The following MGME1 variants were observed in gnomAD, a reference collection of about 807,000 sequenced individuals.
MGME1 encodes the protein chromosome 20 open reading frame 72.
MGME1 carries 22 observed loss-of-function variants against 33.0 expected under a neutral mutation model. The ratio of observed to expected loss-of-function variants is 0.67; its 90% CI spans 0.48 to 0.95. MGME1 has a LOEUF of 0.95. MGME1 is among the 40% of genes least tolerant of loss of function. The probability of loss-of-function intolerance (pLI) is 0.00; values close to 1 mark genes in which losing one functional copy is unlikely to be tolerated. For synonymous variants in MGME1, 133 were observed against 144.0 expected, an observed-to-expected ratio of 0.92 and a Z score of 0.55; for missense variants, 383 against 397.8, an observed-to-expected ratio of 0.96 and a Z score of 0.32.
intron 3 of MGME1, among the ~76,000 whole-genome samples, chr20:17,980,706 G>A (rs2035991880): frequency 6.6e-6 from 1 of 151,842 alleles, no homozygotes; most frequent in Non-Finnish European, 1.5e-5. Context: ...CTACTTGGGA[G>A]GCTGAGGCAG....
At chr20:17,975,651 C>T in intron 2 of MGME1, 33 bp from the exon 3 acceptor site, 1 of 1,496,400 alleles carries the variant, frequency 6.7e-7, no homozygotes, top group East Asian at 2.3e-5. Context: ...GTTTGTGTTT[C>T]CCCCCTCCCC....
At chr20:17,977,362 G>A (rs1195108290) in intron 3 of MGME1, among the ~76,000 whole-genome samples, 1 of 150,916 alleles carries the variant, frequency 6.6e-6, no homozygotes, top group Non-Finnish European at 1.5e-5. Flanking sequence ...AGCAACAGGT[G>A]AGACTCTGTC....
Position 17,977,383 on chromosome 20 carries a change from A to T in MGME1, c.731+1480A>T, listed in dbSNP as rs910206165. ...AGGTGAGACTCTGTCTCAAAAAAAA[A>T]AAAATAAAAGAAAGAAAAGAAAAAG... On this transcript the variant is annotated intron_variant, in intron 3 of 4. Coordinates refer to ENST00000377710, the MANE Select transcript of MGME1 (RefSeq NM_052865.4). Among the ~76,000 whole-genome samples the T allele has an allele frequency of 6.6e-5, 10 of 152,138 alleles. No individual in the cohort carries two copies. The South Asian group carries it at 1.2e-3, about 19-fold the overall frequency.
chr20:17,970,073 G>C lies in MGME1; in HGVS notation c.214G>C (p.Val72Leu). Residue 72 changes from valine to leucine, a missense_variant, in exon 2 of 5, where the codon GTG becomes CTG. Transcript: ENST00000377710. Reference protein sequence around the residue: ...SRGVAQTPGSVEEDALLCGPV... With the variant: ...SRGVAQTPGSLEEDALLCGPV... ...AGGCGTCGCCCAGACCCCGGGATCG[G>C]TGGAGGAAGATGCTTTGCTCTGTGG... 1 of 1,614,240 alleles carries C rather than the reference G, an allele frequency of 6.2e-7. No individual in the cohort carries two copies.
chr20:17,982,700 TTTTCA>T (rs1271222604), intron 3 of MGME1, among the ~76,000 whole-genome samples: 1 of 152,246 alleles, frequency 6.6e-6, no homozygotes, highest in Non-Finnish European at 1.5e-5. Flanking sequence ...ACTGAGCATC[TTTTCA>T]TTTAAGAGCT....
Position 17,988,179 on chromosome 20 carries a change from G to A in MGME1, c.745G>A (p.Val249Met). The A allele has an allele frequency of 6.2e-7, 1 of 1,613,692 alleles. No homozygotes were observed. The highest frequency in any genetic ancestry group is 1.1e-5 in the South Asian group (1 of 90,952). The change falls in exon 4 of 5, where the codon GTG becomes ATG. Residue 249 changes from valine (V) to methionine (M), a missense_variant. By Grantham distance (21) the Val-to-Met change is conservative. Transcript: ENST00000377710. The stretch of plus-strand genomic sequence containing the variant: ...GTTTCTCTTTAGGGGCAAGCTCTGT[G>A]TGATTGATTGGAAGACATCAGAGAA... ...CVAEYQGKLC[V>M]IDWKTSEKPK...
At chr20:17,979,972 TCCA>T (rs1466172003) in intron 3 of MGME1, among the ~76,000 whole-genome samples, 1 of 152,112 alleles carries the variant, frequency 6.6e-6, no homozygotes, top group Non-Finnish European at 1.5e-5. Flanking sequence ...GCTCAAGTGA[TCCA>T]CCACCTCAGC....
intron 3 of MGME1, among the ~76,000 whole-genome samples, chr20:17,985,748 G>C (rs964361760): frequency 4.6e-5 from 7 of 152,286 alleles, no homozygotes; most frequent in African/African-American, 1.7e-4. Context: ...TTGTGTTATA[G>C]TTGCCAGCAG....
At chr20:17,974,481 C>T (rs1033765483) in intron 2 of MGME1, among the ~76,000 whole-genome samples, 1 of 152,080 alleles carries the variant, frequency 6.6e-6, no homozygotes. Context: ...CTGGGATACG[C>T]CAACAAATCC....
chr20:17,989,581 GC>G (rs1322794810), intron 4 of MGME1, among the ~76,000 whole-genome samples: 2 of 150,296 alleles, frequency 1.3e-5, no homozygotes, highest in Non-Finnish European at 3.0e-5. Flanking sequence ...CGGAAGTGGT[GC>G]CCGCCTCAGC....
intron 4 of MGME1, among the ~76,000 whole-genome samples, chr20:17,989,422 G>A (rs1188441450): frequency 9.1e-6 from 1 of 109,664 alleles, no homozygotes; most frequent in Non-Finnish European, 1.8e-5. Flanking sequence ...TAAATAAATA[G>A]CACTTTTTGG....
Position 17,988,205 on chromosome 20 carries a change from A to T in MGME1, c.771A>T (p.Lys257Asn). 6.2e-7 allele frequency: 1 copy of T among 1,614,130 alleles called. No individual in the cohort carries two copies. The highest frequency in any genetic ancestry group is 1.1e-5 in the South Asian group (1 of 91,070). The change falls in exon 4 of 5, where the codon AAA (lysine) becomes AAT (asparagine). Residue 257 changes from lysine (K) to asparagine (N), a missense_variant. Physicochemically the swap from Lys to Asn is moderately conservative, Grantham distance 94. Coordinates refer to ENST00000377710, the MANE Select transcript of MGME1 (RefSeq NM_052865.4). ...LCVIDWKTSE[K>N]PKPFIQSTFD... The stretch of plus-strand genomic sequence containing the variant: ...TGATTGATTGGAAGACATCAGAGAA[A>T]CCAAAGCCTTTTATTCAAAGTACAT...
chr20:17,972,589 G>A (rs2035757907), intron 2 of MGME1: 2 of 870,746 alleles, frequency 2.3e-6, no homozygotes, highest in East Asian at 1.2e-4. Flanking sequence ...ATTACTTTGA[G>A]TGAATAAGCA....
Position 17,990,137 on chromosome 20 carries a change from A to C in MGME1, c.*28A>C, listed in dbSNP as rs1301408487. On this transcript the variant is annotated 3_prime_UTR_variant, in exon 5 of 5. Coordinates refer to ENST00000377710, the MANE Select transcript of MGME1 (RefSeq NM_052865.4). ...AGCAAGTTGCTATTTGGGAACATTC[A>C]GCACCTTCTCACAGTTTGGGAACAT... The C allele has an allele frequency of 1.9e-6, 3 of 1,605,142 alleles. No homozygotes were observed. In the African/African-American group the frequency reaches 4.0e-5, roughly 21 times the overall value.
At chr20:17,969,307 A>C (rs1037515825) in intron 1 of MGME1, among the ~76,000 whole-genome samples, 166 bp downstream of exon 1, 1 of 152,230 alleles carries the variant, frequency 6.6e-6, no homozygotes, top group Non-Finnish European at 1.5e-5. Flanking sequence ...CAGCGCCGCC[A>C]CCAGCTCTGA....
intron 2 of MGME1, among the ~76,000 whole-genome samples, chr20:17,973,780 G>GCT (rs1455237891): frequency 1.3e-5 from 2 of 152,024 alleles, no homozygotes; most frequent in African/African-American, 4.8e-5. Context: ...TGCTTCCTTT[G>GCT]CTCTACTGTG....
At chr20:17,982,071 A>G (rs1174888187) in intron 3 of MGME1, among the ~76,000 whole-genome samples, 1 of 152,244 alleles carries the variant, frequency 6.6e-6, no homozygotes, top group Non-Finnish European at 1.5e-5. Flanking sequence ...TGCTGCAGCA[A>G]ATGTGCCTCT....
intron 3 of MGME1, among the ~76,000 whole-genome samples, chr20:17,976,742 A>G (rs1012140291): frequency 6.6e-6 from 1 of 151,788 alleles, no homozygotes; most frequent in African/African-American, 2.4e-5. Flanking sequence ...GCTCACTGCA[A>G]CCTCCATCTC....
intron 3 of MGME1, among the ~76,000 whole-genome samples, chr20:17,986,059 A>G (rs1256180696): frequency 1.1e-4 from 16 of 151,536 alleles, no homozygotes; most frequent in Admixed American, 1.1e-3. Flanking sequence ...TCTGTGAAAA[A>G]TGATGTTGGA....
Sources: gnomAD v4.1 joint callset for allele counts (sites outside exome capture counted in the v4.1 genomes callset) on GRCh38, gnomAD v4.1.1 for gene constraint, MANE v1.5 for transcripts, NCBI Gene and HGNC (gene_info 2026-07-23, HGNC 2026-07-21) for gene names.